NUP42: variants seen among roughly 807,000 people sequenced by gnomAD.
The protein encoded by NUP42 is nucleoporin 42, also known as nucleoporin NUP42.
NUP42 carries 47 observed loss-of-function variants against 35.9 expected under a neutral mutation model. The observed-to-expected ratio is 1.31, with a 90% CI of 1.04 to 1.67. NUP42 has a LOEUF of 1.67. Ranked by LOEUF, NUP42 falls within the 40% of genes most tolerant of loss-of-function variation. NUP42 has a pLI of 0.00. For synonymous variants in NUP42, 173 were observed against 173.3 expected (o/e 1.00, Z 0.01); for missense variants, 514 against 492.2 (o/e 1.04, Z -0.42).
chr7:23,182,403 G>C, intron 1 of NUP42, 197 bp downstream of exon 1: 1 of 1,392,770 alleles, frequency 7.2e-7, no homozygotes, highest in Non-Finnish European at 9.3e-7. Flanking sequence ...CGTTTTTATT[G>C]AGCTTCTGAG....
intron 3 of NUP42, chr7:23,187,927 ATATTC>A: frequency 2.7e-6 from 1 of 368,210 alleles, no homozygotes; most frequent in Non-Finnish European, 5.0e-6. Flanking sequence ...TTGCTTTAGA[ATATTC>A]TCTGTCTCTC....
intron 5 of NUP42, 121 bp downstream of exon 5, chr7:23,196,887 A>C (rs1445536218): frequency 1.5e-6 from 1 of 675,210 alleles, no homozygotes; most frequent in Non-Finnish European, 2.6e-6. Flanking sequence ...TGATACACAC[A>C]TTCCCAAAAT....
intron 5 of NUP42, among the ~76,000 whole-genome samples, chr7:23,199,029 A>G (rs1423687067): frequency 6.6e-6 from 1 of 152,222 alleles, no homozygotes. Flanking sequence ...TACTGTTTAT[A>G]CAGTATTATG....
chr7:23,188,455 T>G (rs1005657231), intron 3 of NUP42: 39 of 985,326 alleles, frequency 4.0e-5, no homozygotes, highest in Non-Finnish European at 4.5e-5. Context: ...TTAATCAGCT[T>G]AAGTATTAGT....
intron 1 of NUP42, among the ~76,000 whole-genome samples, chr7:23,183,558 C>T (rs770524361): frequency 6.6e-6 from 1 of 152,070 alleles, no homozygotes; most frequent in Non-Finnish European, 1.5e-5. Context: ...GTGATGGTTT[C>T]ACGTCTGATC....
intron 5 of NUP42, chr7:23,197,184 GA>G: frequency 7.7e-7 from 1 of 1,298,432 alleles, no homozygotes. Context: ...AATGCCTTTG[GA>G]AGATATATAC....
At chr7:23,182,690 G>GT (rs1393806038) in intron 1 of NUP42, among the ~76,000 whole-genome samples, 3 of 134,366 alleles carry the variant, frequency 2.2e-5, no homozygotes, top group African/African-American at 8.6e-5. Context: ...GAGGTCAGGA[G>GT]TTTGAGACCA....
At chr7:23,185,585 C>T (rs1377175069) in intron 2 of NUP42, among the ~76,000 whole-genome samples, 2 of 152,090 alleles carry the variant, frequency 1.3e-5, no homozygotes, top group South Asian at 4.1e-4. Flanking sequence ...GGGGTAATTA[C>T]GCTTTTTCCA....
intron 3 of NUP42, among the ~76,000 whole-genome samples, chr7:23,191,528 G>C (rs898863304): frequency 7.2e-5 from 11 of 152,128 alleles, no homozygotes; most frequent in African/African-American, 2.7e-4. Context: ...AGTAAAGATG[G>C]GGAAGACAAG....
chr7:23,197,785 T>C (rs1050633478), intron 5 of NUP42, among the ~76,000 whole-genome samples: 4 of 151,702 alleles, frequency 2.6e-5, no homozygotes, highest in Non-Finnish European at 5.9e-5. Context: ...GGATATAATT[T>C]GTTTATCATC....
intron 3 of NUP42, chr7:23,187,937 TCTCTCTC>T: frequency 1.9e-5 from 5 of 258,910 alleles, no homozygotes; most frequent in East Asian, 7.4e-5. Flanking sequence ...ATATTCTCTG[TCTCTCTC>T]TCTCTCTCTG....
chr7:23,200,627 T>C lies in NUP42; in HGVS notation c.1154T>C (p.Val385Ala), dbSNP rs753327186. 12 of 1,614,154 alleles carry C rather than the reference T, an allele frequency of 7.4e-6. No homozygotes were observed. The South Asian group carries it at 1.3e-4, about 18-fold the overall frequency. Residue 385 changes from valine (V) to alanine (A), a missense_variant, in exon 7 of 7, where the codon GTG becomes GCG. Physicochemically the swap from Val to Ala is moderately conservative, Grantham distance 64. Coordinates refer to ENST00000258742, the MANE Select transcript of NUP42 (RefSeq NM_007342.3). ...ASSSIIATDN[V>A]LFTPRDKLTV... is the part of the protein sequence containing the mutation. ...AGCAGCATCATTGCAACAGATAATG[T>C]GTTATTCACACCCAGAGATAAACTA...
At chr7:23,182,901 G>A (rs1785463901) in intron 1 of NUP42, among the ~76,000 whole-genome samples, 1 of 146,370 alleles carries the variant, frequency 6.8e-6, no homozygotes, top group African/African-American at 2.5e-5. Flanking sequence ...GCGACAGAGC[G>A]AGACTATCAA....
intron 3 of NUP42, among the ~76,000 whole-genome samples, chr7:23,189,900 G>A (rs541345663): frequency 7.4e-5 from 11 of 148,982 alleles, no homozygotes; most frequent in African/African-American, 2.7e-4. Context: ...GTGACAGAGT[G>A]AGACTCTGTC....
intron 3 of NUP42, chr7:23,188,024 T>G: frequency 2.4e-6 from 3 of 1,233,760 alleles, no homozygotes; most frequent in Non-Finnish European, 3.3e-6. Context: ...TTTTTTTTTT[T>G]GTCCATAGTC....
rs1175306936 is a variant in NUP42, at chr7:23,200,921, ACT to A, written c.*179_*180del. On this transcript the variant is annotated 3_prime_UTR_variant, in exon 7 of 7. Transcript: ENST00000258742. ...AATATTTAAGTAAAAAGTAACAAAA[ACT>A]CTGCAAGCAAGGGAATTTTTTTGTA... 5.2e-6 allele frequency: 2 copies of A among 386,346 alleles called. No individual in the cohort carries two copies. The highest frequency in any genetic ancestry group is 8.8e-6 in the Non-Finnish European group (2 of 226,670). The allele number at this position is 386,346 out of a possible 1,614,324, so 23.9% of individuals were successfully genotyped here.
intron 3 of NUP42, among the ~76,000 whole-genome samples, chr7:23,193,151 G>A (rs1021240269): frequency 2.0e-5 from 3 of 152,098 alleles, no homozygotes; most frequent in African/African-American, 4.8e-5. Flanking sequence ...GAAGACCTTC[G>A]CGGTGAGTGT....
rs1172738995 is a variant in NUP42, at chr7:23,198,205, C to CTTTTTTTTTTTTTTTTT, written c.610-1244_610-1228dup. The CTTTTTTTTTTTTTTTTT allele has an allele frequency of 6.4e-4, 47 of 73,678 alleles. 5 individuals carry two copies. Among genetic ancestry groups the CTTTTTTTTTTTTTTTTT allele is most frequent in the African/African-American group, 2.9e-3 (47 of 16,394 alleles). 4.6% of individuals were successfully genotyped at this position (73,678 alleles called of 1,614,324 possible). On this transcript the variant is annotated intron_variant, in intron 5 of 6. Transcript: ENST00000258742. ...TTGCAGTCTCAAAAACAAAAGCATT[C>CTTTTTTTTTTTTTTTTT]TTTTTTTTTTTTTTTTTTTTTTTTT...
intron 1 of NUP42, among the ~76,000 whole-genome samples, chr7:23,183,562 T>C (rs1785488612): frequency 6.6e-6 from 1 of 152,068 alleles, no homozygotes; most frequent in African/African-American, 2.4e-5. Context: ...TGGTTTCACG[T>C]CTGATCCCAC....
Sources: allele counts gnomAD v4.1 joint callset (sites outside exome capture counted in the v4.1 genomes callset), GRCh38; gene constraint gnomAD v4.1.1; transcripts MANE v1.5; gene names NCBI Gene and HGNC (gene_info 2026-07-23, HGNC 2026-07-21).